Variants in GRM3 observed in about 807,000 individuals in gnomAD.
GRM3 encodes metabotropic glutamate receptor 3.
In GRM3, 26 loss-of-function variants were observed where a neutral mutation model predicts 70.5. That is an observed-to-expected ratio of 0.37 (90% CI 0.27 to 0.51). The LOEUF is 0.51. Ranked by LOEUF, GRM3 falls within the 20% of genes least tolerant of loss-of-function variation. The pLI is 0.93. For synonymous variants in GRM3, 443 were observed against 434.9 expected (o/e 1.02, Z -0.23); for missense variants, 859 against 1,123.8 (o/e 0.76, Z 3.37).
chr7:86,818,659 G>A (rs758477631), intron 3 of GRM3, among the ~76,000 whole-genome samples: 1 of 151,986 alleles, frequency 6.6e-6, no homozygotes, highest in Non-Finnish European at 1.5e-5. Context: ...GTGATTAGAA[G>A]GAACAATTGG....
intron 2 of GRM3, among the ~76,000 whole-genome samples, chr7:86,769,192 G>A (rs1243796021): frequency 6.6e-6 from 1 of 152,056 alleles, no homozygotes; most frequent in Non-Finnish European, 1.5e-5. Context: ...GTGACAGTGT[G>A]CAGCCTGTAG....
At chr7:86,757,372 T>A (rs1027343066) in intron 1 of GRM3, among the ~76,000 whole-genome samples, 5 of 152,216 alleles carry the variant, frequency 3.3e-5, no homozygotes, top group African/African-American at 4.8e-5. Flanking sequence ...CTTAGTTTCA[T>A]TCTTTATAAG....
chr7:86,751,860 C>T (rs1796239920), intron 1 of GRM3, among the ~76,000 whole-genome samples: 1 of 152,126 alleles, frequency 6.6e-6, no homozygotes, highest in Non-Finnish European at 1.5e-5. Context: ...AGAGGATTCT[C>T]TCATCAGAGT....
At chr7:86,806,862 G>A (rs982759882) in intron 3 of GRM3, among the ~76,000 whole-genome samples, 10 of 151,356 alleles carry the variant, frequency 6.6e-5, no homozygotes, top group African/African-American at 2.4e-4. Flanking sequence ...TTTCTTCTAG[G>A]GTTTTTATGG....
At chr7:86,723,111 A>G (rs1795510706) in intron 1 of GRM3, among the ~76,000 whole-genome samples, 1 of 152,102 alleles carries the variant, frequency 6.6e-6, no homozygotes, top group Admixed American at 6.6e-5. Context: ...TAGAATTAAT[A>G]GATAATATAG....
chr7:86,653,111 T>G (rs1793647483), intron 1 of GRM3, among the ~76,000 whole-genome samples: 1 of 152,224 alleles, frequency 6.6e-6, no homozygotes, highest in South Asian at 2.1e-4. Flanking sequence ...CAGTTCCTGG[T>G]GAGAGTCCTC....
At chr7:86,655,446 T>C (rs1562814501) in intron 1 of GRM3, among the ~76,000 whole-genome samples, 1 of 152,162 alleles carries the variant, frequency 6.6e-6, no homozygotes, top group Non-Finnish European at 1.5e-5. Flanking sequence ...AAATTTATTT[T>C]TATTTCTCAC....
intron 1 of GRM3, among the ~76,000 whole-genome samples, chr7:86,684,231 C>T (rs1562824735): frequency 1.3e-5 from 2 of 152,106 alleles, no homozygotes; most frequent in Admixed American, 6.6e-5. Flanking sequence ...CTTGCACAGC[C>T]CTTATCTCCC....
intron 1 of GRM3, among the ~76,000 whole-genome samples, chr7:86,665,792 TA>T (rs1794010274): frequency 6.6e-6 from 1 of 152,044 alleles, no homozygotes; most frequent in Non-Finnish European, 1.5e-5. Flanking sequence ...TGGCTTCTTT[TA>T]TGCTGAACTG....
chr7:86,673,105 G>A (rs1398768634), intron 1 of GRM3, among the ~76,000 whole-genome samples: 1 of 151,974 alleles, frequency 6.6e-6, no homozygotes, highest in African/African-American at 2.4e-5. Flanking sequence ...GATTCCCCAG[G>A]TATATATATT....
chr7:86,652,534 T>C (rs1793633928), intron 1 of GRM3, among the ~76,000 whole-genome samples: 1 of 152,126 alleles, frequency 6.6e-6, no homozygotes, highest in Non-Finnish European at 1.5e-5. Flanking sequence ...TTTCACCGTG[T>C]TTGCTAGGCT....
At chr7:86,773,010 A>G (rs775007138) in intron 2 of GRM3, among the ~76,000 whole-genome samples, 4 of 151,580 alleles carry the variant, frequency 2.6e-5, no homozygotes, top group Non-Finnish European at 5.9e-5. Flanking sequence ...TTCAACGTTT[A>G]TTTTTGATTC....
chr7:86,755,426 C>T (rs958089681), intron 1 of GRM3, among the ~76,000 whole-genome samples: 3 of 151,982 alleles, frequency 2.0e-5, no homozygotes, highest in Non-Finnish European at 2.9e-5. Flanking sequence ...CCTACTGTGC[C>T]AGAATCTAAC....
At chr7:86,692,174 C>A (rs548191883) in intron 1 of GRM3, among the ~76,000 whole-genome samples, 1 of 152,292 alleles carries the variant, frequency 6.6e-6, no homozygotes, top group South Asian at 2.1e-4. Flanking sequence ...TAAAGGATGA[C>A]ACACATAGCC....
intron 1 of GRM3, among the ~76,000 whole-genome samples, chr7:86,660,854 A>T (rs1189792679): frequency 6.6e-6 from 1 of 151,954 alleles, no homozygotes; most frequent in African/African-American, 2.4e-5. Flanking sequence ...TCTTAATTCC[A>T]ATAGCTTCCT....
At chr7:86,807,513 A>T (rs1797820805) in intron 3 of GRM3, among the ~76,000 whole-genome samples, 1 of 151,610 alleles carries the variant, frequency 6.6e-6, no homozygotes, top group African/African-American at 2.4e-5. Flanking sequence ...AGCAATTGTG[A>T]ATGGGAGTTC....
chr7:86,736,141 G>A (rs1450785282), intron 1 of GRM3, among the ~76,000 whole-genome samples: 2 of 152,116 alleles, frequency 1.3e-5, no homozygotes, highest in African/African-American at 2.4e-5. Flanking sequence ...ATATTCATAT[G>A]GTACCAGAGA....
chr7:86,733,313 C>CAAA (rs61108218), intron 1 of GRM3, among the ~76,000 whole-genome samples: 64 of 115,550 alleles, frequency 5.5e-4, no homozygotes, highest in African/African-American at 1.7e-3. Flanking sequence ...CACGCCGTCT[C>CAAA]AAAAAAAAAA....
At chr7:86,719,213 A>C (rs547124060) in intron 1 of GRM3, among the ~76,000 whole-genome samples, 3 of 152,166 alleles carry the variant, frequency 2.0e-5, no homozygotes, top group Non-Finnish European at 4.4e-5. Flanking sequence ...CCAGAAAGAG[A>C]GTATGAATAC....
Sources: allele counts gnomAD v4.1 joint callset (sites outside exome capture counted in the v4.1 genomes callset), GRCh38; gene constraint gnomAD v4.1.1; transcripts MANE v1.5; gene names NCBI Gene and HGNC (gene_info 2026-07-23, HGNC 2026-07-21).